Variants in CEP112 observed in about 807,000 individuals in gnomAD.
CEP112 encodes the protein centrosomal protein of 112 kDa.
In CEP112, 127 loss-of-function variants were observed where a neutral mutation model predicts 153.0. The ratio of observed to expected loss-of-function variants is 0.83; its 90% CI spans 0.72 to 0.96. The LOEUF is 0.96. Among genes scored for constraint, CEP112 ranks in the 40% least tolerant of loss-of-function variants. The pLI is 0.00. For synonymous variants in CEP112, 358 were observed against 374.4 expected, an observed-to-expected ratio of 0.96 and a Z score of 0.51; for missense variants, 1,089 against 1,101.2, an observed-to-expected ratio of 0.99 and a Z score of 0.16.
At position 66,062,974 on chromosome 17, in the gene CEP112, A is replaced by C; in HGVS notation, c.1063T>G (p.Trp355Gly). ...TTTATGTAGCTTACCTTTTTTTCCC[A>C]GTCATTATTTAGAGATTCCGTACTT... is the stretch of plus-strand genomic sequence containing the variant. ...EQSTESLNND[W>G]EKKLHNAVAE... The change falls in exon 11 of 27, where the codon TGG becomes GGG. Residue 355 changes from tryptophan (W) to glycine (G), a missense_variant. Physicochemically the swap from Trp to Gly is radical, Grantham distance 184 (BLOSUM62 -2). Transcript: ENST00000535342. The C allele has an allele frequency of 6.4e-7, 1 of 1,550,790 alleles. No individual in the cohort carries two copies. Among genetic ancestry groups the C allele is most frequent in the Non-Finnish European group, 8.8e-7 (1 of 1,141,538 alleles).
chr17:66,069,893 A>C (rs548485382), intron 9 of CEP112, 22 bp downstream of exon 9: 11 of 1,394,952 alleles, frequency 7.9e-6, no homozygotes, highest in Non-Finnish European at 1.0e-5. Flanking sequence ...AATATAATTA[A>C]AACACGAGAT....
chr17:66,092,315 C>T (rs1415749831), intron 8 of CEP112, among the ~76,000 whole-genome samples: 2 of 150,096 alleles, frequency 1.3e-5, no homozygotes, highest in East Asian at 4.0e-4. Context: ...GCTGGGATTA[C>T]AGGTGTGAGC....
At chr17:66,056,097 G>C (rs1168804661) in intron 11 of CEP112, among the ~76,000 whole-genome samples, 1 of 152,094 alleles carries the variant, frequency 6.6e-6, no homozygotes, top group African/African-American at 2.4e-5. Flanking sequence ...TGAAACCATA[G>C]GACATAACAA....
intron 4 of CEP112, among the ~76,000 whole-genome samples, chr17:66,149,888 GT>G (rs71160535): frequency 9.1e-5 from 5 of 54,710 alleles, no homozygotes; most frequent in African/African-American, 3.8e-4. Context: ...TTGTTTGTTT[GT>G]TTTTTTTTTT....
At chr17:66,070,175 T>C (rs1323582663) in intron 8 of CEP112, among the ~76,000 whole-genome samples, 174 bp from the exon 9 acceptor site, 1 of 152,180 alleles carries the variant, frequency 6.6e-6, no homozygotes, top group Non-Finnish European at 1.5e-5. Context: ...ATTTCAGTCC[T>C]CTAATTACTT....
At chr17:66,090,210 C>T (rs1358924320) in intron 8 of CEP112, among the ~76,000 whole-genome samples, 1 of 151,946 alleles carries the variant, frequency 6.6e-6, no homozygotes, top group African/African-American at 2.4e-5. Flanking sequence ...AAGAAGAAGA[C>T]ACTAATGAAT....
chr17:65,990,965 AC>A (rs1478395183), intron 17 of CEP112, among the ~76,000 whole-genome samples: 11 of 152,184 alleles, frequency 7.2e-5, no homozygotes, highest in Non-Finnish European at 1.5e-4. Flanking sequence ...AGGATTCATC[AC>A]CTGCTAACTA....
chr17:66,111,626 A>C (rs1371069359), intron 6 of CEP112, among the ~76,000 whole-genome samples: 1 of 152,056 alleles, frequency 6.6e-6, no homozygotes, highest in Non-Finnish European at 1.5e-5. Context: ...CAAATATTGT[A>C]TGTTCTCACT....
intron 21 of CEP112, among the ~76,000 whole-genome samples, chr17:65,780,092 T>A (rs775613668): frequency 6.6e-6 from 1 of 152,100 alleles, no homozygotes; most frequent in Non-Finnish European, 1.5e-5. Context: ...GTCAGTTTTG[T>A]GGACTTTTAT....
intron 8 of CEP112, among the ~76,000 whole-genome samples, chr17:66,090,912 T>TA (rs926894855): frequency 2.6e-5 from 4 of 152,000 alleles, no homozygotes; most frequent in African/African-American, 9.7e-5. Context: ...AACACTGACT[T>TA]AAAATCAAAA....
chr17:65,967,756 T>A (rs2062466591), intron 17 of CEP112, among the ~76,000 whole-genome samples: 1 of 152,134 alleles, frequency 6.6e-6, no homozygotes, highest in Non-Finnish European at 1.5e-5. Context: ...TGTAATAATT[T>A]TATGCTAAAC....
At chr17:65,871,352 A>T (rs972743230) in intron 20 of CEP112, among the ~76,000 whole-genome samples, 1 of 152,130 alleles carries the variant, frequency 6.6e-6, no homozygotes, top group South Asian at 2.1e-4. Context: ...CTTTAAATAC[A>T]TGCAGGCCGG....
In CEP112 at chr17:66,056,129, T is replaced by C. The variant is rs540962650; in HGVS notation, c.1075-2250A>G. Among the ~76,000 whole-genome samples the C allele has an allele frequency of 2.6e-5, 4 of 152,322 alleles. No homozygotes were observed. In the South Asian group the frequency reaches 8.3e-4, roughly 32 times the overall value. ...ACAATGAGTTGATCCATAGGAATTC[T>C]CAAGAAGAATTTTTACCCAGAGTTT... On this transcript the variant is annotated intron_variant, in intron 11 of 26. Coordinates refer to ENST00000535342, the MANE Select transcript of CEP112 (RefSeq NM_001199165.4).
intron 17 of CEP112, among the ~76,000 whole-genome samples, chr17:65,997,806 C>T (rs150796313): frequency 3.3e-5 from 5 of 151,150 alleles, no homozygotes; most frequent in African/African-American, 9.8e-5. Context: ...CCCCCACACA[C>T]ACACACAATC....
chr17:65,921,630 T>C (rs1336101351), intron 19 of CEP112, among the ~76,000 whole-genome samples: 1 of 152,172 alleles, frequency 6.6e-6, no homozygotes, highest in Non-Finnish European at 1.5e-5. Context: ...TGCACCCACC[T>C]GAGGTACGCT....
At chr17:65,891,013 C>T (rs1216209543) in intron 20 of CEP112, among the ~76,000 whole-genome samples, 1 of 152,204 alleles carries the variant, frequency 6.6e-6, no homozygotes, top group East Asian at 1.9e-4. Context: ...GACAGATGCA[C>T]AATGCCTGTT....
chr17:66,062,052 G>C (rs139655525), intron 11 of CEP112, among the ~76,000 whole-genome samples: 64 of 152,184 alleles, frequency 4.2e-4, no homozygotes, highest in African/African-American at 1.5e-3. Flanking sequence ...TCTCCTTGCC[G>C]CCTTGTGAAG....
At chr17:65,920,922 T>G (rs2060702834) in intron 19 of CEP112, among the ~76,000 whole-genome samples, 2 of 152,178 alleles carry the variant, frequency 1.3e-5, no homozygotes, top group African/African-American at 2.4e-5. Context: ...AAATGTAATC[T>G]TCTTAATTCC....
chr17:66,075,345 G>A (rs143528280), intron 8 of CEP112, among the ~76,000 whole-genome samples: 2 of 152,144 alleles, frequency 1.3e-5, no homozygotes, highest in Non-Finnish European at 2.9e-5. Flanking sequence ...CAGTGTAAGC[G>A]GCACAATATT....
Sources: allele counts gnomAD v4.1 joint callset (sites outside exome capture counted in the v4.1 genomes callset), GRCh38; gene constraint gnomAD v4.1.1; transcripts MANE v1.5; gene names NCBI Gene and HGNC (gene_info 2026-07-23, HGNC 2026-07-21).